Variants in GYS2 observed in about 807,000 individuals in gnomAD.
GYS2 encodes glycogen [starch] synthase, liver.
In GYS2, 80 loss-of-function variants were observed where a neutral mutation model predicts 85.6. The observed-to-expected ratio is 0.93, with a 90% confidence interval of 0.78 to 1.13. GYS2 has a LOEUF of 1.13. Ranked by LOEUF, GYS2 falls within the 50% of genes most tolerant of loss-of-function variation. The probability of loss-of-function intolerance (pLI) is 0.00; values close to 1 mark genes in which losing one functional copy is unlikely to be tolerated. For synonymous variants in GYS2, 328 were observed against 300.7 expected (o/e 1.09, Z -0.94); for missense variants, 881 against 854.9 (o/e 1.03, Z -0.38).
At position 21,536,829 on chromosome 12, in the gene GYS2, T is replaced by C; in HGVS notation, c.*125A>G. ...CATTCACTCAATTTCTTCCACTTTT[T>C]AGGCAGAGAATAAACTCCATTGTAA... On this transcript the variant is annotated 3_prime_UTR_variant, in exon 16 of 16. Coordinates refer to ENST00000261195, the MANE Select transcript of GYS2 (RefSeq NM_021957.4). The C allele has an allele frequency of 2.8e-6, 2 of 705,164 alleles. No homozygotes were observed. Among genetic ancestry groups the C allele is most frequent in the Non-Finnish European group, 5.0e-6 (2 of 403,764 alleles). The allele number at this position is 705,164 out of a possible 1,614,324, so 43.7% of individuals were successfully genotyped here.
intron 4 of GYS2, among the ~76,000 whole-genome samples, chr12:21,571,739 G>C (rs560963434): frequency 1.3e-5 from 2 of 152,198 alleles, no homozygotes; most frequent in South Asian, 4.1e-4. Flanking sequence ...GAGGCGGGCG[G>C]ATGACGAGCT....
chr12:21,565,145 A>G (rs1944302535), intron 5 of GYS2, among the ~76,000 whole-genome samples: 1 of 152,004 alleles, frequency 6.6e-6, no homozygotes, highest in African/African-American at 2.4e-5. Context: ...GAGGTCTTCT[A>G]ATATCCATAT....
chr12:21,569,969 T>G (rs7138731), intron 4 of GYS2, among the ~76,000 whole-genome samples: 1 of 152,124 alleles, frequency 6.6e-6, no homozygotes, highest in East Asian at 1.9e-4. Context: ...AATTTGATCC[T>G]TAATCAGCCT....
intron 2 of GYS2, among the ~76,000 whole-genome samples, chr12:21,576,298 C>T (rs1444169780): frequency 1.3e-5 from 2 of 152,166 alleles, no homozygotes; most frequent in Non-Finnish European, 2.9e-5. Context: ...AACAATGTAT[C>T]TAAATCATGT....
chr12:21,545,693 A>AAAAAT (rs1020143923), intron 12 of GYS2, among the ~76,000 whole-genome samples: 3 of 152,196 alleles, frequency 2.0e-5, no homozygotes, highest in Admixed American at 2.0e-4. Flanking sequence ...CCATCTGTTA[A>AAAAAT]AAAATAAAAT....
chr12:21,562,748 TC>T (rs1308034220), intron 7 of GYS2, among the ~76,000 whole-genome samples, 169 bp downstream of exon 7: 3 of 144,908 alleles, frequency 2.1e-5, no homozygotes, highest in African/African-American at 2.5e-5. Context: ...AACACACAAG[TC>T]AACAGTGTGG....
chr12:21,593,567 GA>G (rs1944663205), intron 1 of GYS2, among the ~76,000 whole-genome samples: 1 of 151,862 alleles, frequency 6.6e-6, no homozygotes, highest in Non-Finnish European at 1.5e-5. Context: ...ATTGAATTAA[GA>G]AAGAATAGAA....
rs11837811 is a variant in GYS2, at chr12:21,590,618, C to T, written c.122-10095G>A. On this transcript the variant is annotated intron_variant, in intron 1 of 15. Coordinates refer to ENST00000261195, the MANE Select transcript of GYS2 (RefSeq NM_021957.4). ...TCCAGAAGCCTGAGGACCCACACAC[C>T]AGCCCAGTCTACTATGGCCACTACT... Among the ~76,000 whole-genome samples, 716 of 152,276 alleles carry T rather than the reference C, an allele frequency of 4.7e-3. 5 individuals carry two copies. Among genetic ancestry groups the T allele is most frequent in the African/African-American group, 0.014 (580 of 41,562 alleles).
Position 21,574,282 on chromosome 12 carries a change from A to C in GYS2, c.540T>G (p.His180Gln). 1 of 1,613,868 alleles carries C rather than the reference A, an allele frequency of 6.2e-7. No homozygotes were observed. Among genetic ancestry groups the C allele is most frequent in the East Asian group, 2.2e-5 (1 of 44,872 alleles). ...TCAGTCCAATTCCAGCCTGCCATTC[A>C]TGGAATTGGGCAACGACATATTTAC... is the stretch of plus-strand genomic sequence containing the variant. ...ADGKYVVAQF[H>Q]EWQAGIGLIL... Residue 180 changes from histidine (H) to glutamine (Q), a missense_variant, in exon 4 of 16, where the codon CAT becomes CAG. His to Gln is a conservative substitution (Grantham distance 24, BLOSUM62 0). Coordinates refer to ENST00000261195, the MANE Select transcript of GYS2 (RefSeq NM_021957.4).
rs1196487505 is a variant in GYS2, at chr12:21,558,300, G to T, written c.1322C>A (p.Pro441His). Reference sequence around the variant, plus strand: ...AATCATGTTGTGCGTGGTCACTGGGGGCAATGACTGTCGCTGAAGTATGAG... The same window carrying T: ...AATCATGTTGTGCGTGGTCACTGGGTGCAATGACTGTCGCTGAAGTATGAG... The part of the protein sequence containing the change: ...AIFSTQRQSL[P>H]PVTTHNMIDD... The change falls in exon 11 of 16, where the codon CCC (proline) becomes CAC (histidine). Residue 441 changes from proline (P) to histidine (H), a missense_variant. Transcript: ENST00000261195. 6.2e-7 allele frequency: 1 copy of T among 1,607,538 alleles called. No homozygotes were observed. The highest frequency in any genetic ancestry group is 8.5e-7 in the Non-Finnish European group (1 of 1,174,110).
chr12:21,537,203 C>A, intron 15 of GYS2, 28 bp from the exon 16 acceptor site: 1 of 1,505,594 alleles, frequency 6.6e-7, no homozygotes, highest in South Asian at 1.1e-5. Flanking sequence ...AAGACATAAA[C>A]ATCACAACAG....
chr12:21,539,160 T>C (rs1943943443), intron 15 of GYS2, 98 bp downstream of exon 15: 5 of 744,832 alleles, frequency 6.7e-6, no homozygotes, highest in East Asian at 2.7e-5. Context: ...TGAAAAAGTA[T>C]CATAGCTTGT....
chr12:21,552,871 C>T (rs949663525), intron 11 of GYS2, among the ~76,000 whole-genome samples: 5 of 152,148 alleles, frequency 3.3e-5, no homozygotes, highest in African/African-American at 4.8e-5. Context: ...TTTTATAAAA[C>T]GTCTTACCAA....
chr12:21,540,252 C>CT (rs1338326554), intron 14 of GYS2, among the ~76,000 whole-genome samples, 158 bp downstream of exon 14: 1 of 152,164 alleles, frequency 6.6e-6, no homozygotes, highest in Non-Finnish European at 1.5e-5. Flanking sequence ...ACATATAGGA[C>CT]TTTGTAAACT....
chr12:21,540,469 T>C lies in GYS2; in HGVS notation c.1750A>G (p.Ile584Val), dbSNP rs376892583. ...AGCCTCTCAGTTCTGTTCCTCTGGA[T>C]AATCCTTTGGCGGCGTGACTGTTTG... ...FCKQSRRQRI[I>V]QRNRTERLSD... is the part of the protein sequence containing the mutation. Residue 584 changes from isoleucine (I) to valine (V), a missense_variant, in exon 14 of 16, where the codon ATC becomes GTC. Ile to Val is a conservative substitution (Grantham distance 29). Coordinates refer to ENST00000261195, the MANE Select transcript of GYS2 (RefSeq NM_021957.4). The C allele has an allele frequency of 5.0e-6, 8 of 1,613,988 alleles. No individual in the cohort carries two copies. In the African/African-American group the frequency reaches 6.7e-5, roughly 13 times the overall value.
At chr12:21,595,748 A>G (rs1177344746) in intron 1 of GYS2, among the ~76,000 whole-genome samples, 1 of 152,186 alleles carries the variant, frequency 6.6e-6, no homozygotes, top group Admixed American at 6.5e-5. Flanking sequence ...AAATATCACA[A>G]TCTTAAACAT....
chr12:21,588,449 A>G (rs1422678934), intron 1 of GYS2, among the ~76,000 whole-genome samples: 1 of 152,234 alleles, frequency 6.6e-6, no homozygotes, highest in East Asian at 1.9e-4. Context: ...TGATGCTATT[A>G]TATGGTACCA....
At chr12:21,592,165 G>A (rs201700983) in intron 1 of GYS2, among the ~76,000 whole-genome samples, 7 of 125,362 alleles carry the variant, frequency 5.6e-5, no homozygotes, top group African/African-American at 1.2e-4. Context: ...GAAAGAAAGA[G>A]AGAGAGAGAG....
intron 13 of GYS2, among the ~76,000 whole-genome samples, chr12:21,542,279 A>G (rs967797438): frequency 1.3e-5 from 2 of 152,250 alleles, no homozygotes; most frequent in Non-Finnish European, 1.5e-5. Context: ...CGAACCCCTG[A>G]CCTCAAGTGA....
Sources: allele counts gnomAD v4.1 joint callset (sites outside exome capture counted in the v4.1 genomes callset), GRCh38; gene constraint gnomAD v4.1.1; transcripts MANE v1.5; gene names NCBI Gene and HGNC (gene_info 2026-07-23, HGNC 2026-07-21).